The following PTPRD variants were observed in gnomAD, a reference collection of about 807,000 sequenced individuals.
The protein encoded by PTPRD is receptor-type tyrosine-protein phosphatase delta.
Under a neutral mutation model 214.5 loss-of-function variants are expected in PTPRD, and 34 were observed. That is an observed-to-expected ratio of 0.16 (90% CI 0.12 to 0.21). The LOEUF (loss-of-function observed/expected upper bound fraction) is 0.21, where lower values mean the gene tolerates loss of function less well. Among genes scored for constraint, PTPRD ranks in the 10% least tolerant of loss-of-function variants. The probability of loss-of-function intolerance (pLI) is 1.00; values close to 1 mark genes in which losing one functional copy is unlikely to be tolerated. For missense variants in PTPRD, 2,545 were observed against 2,398.7 expected (o/e 1.06, Z -1.27); for synonymous variants, 1,128 against 845.7 (o/e 1.33, Z -5.79).
chr9:8,513,527 T>C (rs2097723255), intron 21 of PTPRD, among the ~76,000 whole-genome samples: 1 of 152,106 alleles, frequency 6.6e-6, no homozygotes, highest in Non-Finnish European at 1.5e-5. Context: ...GACATCAAAA[T>C]GTACATTTCT....
chr9:10,025,700 A>G (rs894415763), intron 4 of PTPRD, among the ~76,000 whole-genome samples: 1 of 152,190 alleles, frequency 6.6e-6, no homozygotes, highest in Non-Finnish European at 1.5e-5. Flanking sequence ...CTTTTAGAAA[A>G]TAAGAAATTG....
intron 9 of PTPRD, among the ~76,000 whole-genome samples, chr9:9,199,339 T>C (rs1017308217): frequency 1.3e-5 from 2 of 152,234 alleles, no homozygotes; most frequent in African/African-American, 4.8e-5. Flanking sequence ...ACTTCTGTTA[T>C]GTAAAATACC....
At chr9:9,973,205 G>A (rs1009965681) in intron 4 of PTPRD, among the ~76,000 whole-genome samples, 2 of 150,804 alleles carry the variant, frequency 1.3e-5, no homozygotes, top group Admixed American at 6.7e-5. Flanking sequence ...GCTCATGCCT[G>A]TAATCCCAGC....
At chr9:9,390,952 G>A (rs1324338249) in intron 9 of PTPRD, among the ~76,000 whole-genome samples, 3 of 152,136 alleles carry the variant, frequency 2.0e-5, no homozygotes, top group Admixed American at 2.0e-4. Flanking sequence ...CTAAGAAGAT[G>A]GTGTTGATTG....
chr9:9,955,768 C>T (rs548622370), intron 4 of PTPRD, among the ~76,000 whole-genome samples: 8 of 152,148 alleles, frequency 5.3e-5, no homozygotes, highest in South Asian at 2.1e-4. Context: ...CGTGATAGCC[C>T]GCCTCGGCCT....
chr9:9,592,227 T>G (rs2092805610), intron 7 of PTPRD, among the ~76,000 whole-genome samples: 1 of 152,068 alleles, frequency 6.6e-6, no homozygotes, highest in Non-Finnish European at 1.5e-5. Flanking sequence ...TTTATGGCCT[T>G]TTGCCTAAAT....
At chr9:10,528,484 T>C (rs1031895437) in intron 2 of PTPRD, among the ~76,000 whole-genome samples, 1 of 152,188 alleles carries the variant, frequency 6.6e-6, no homozygotes, top group East Asian at 1.9e-4. Context: ...TATTATAACA[T>C]CTTTTACCAC....
chr9:9,476,755 C>T (rs1002369034), intron 8 of PTPRD, among the ~76,000 whole-genome samples: 1 of 151,394 alleles, frequency 6.6e-6, no homozygotes, highest in Non-Finnish European at 1.5e-5. Flanking sequence ...TATTTTTTTG[C>T]GATGGATTTT....
At chr9:8,618,965 G>A (rs1458237777) in intron 14 of PTPRD, among the ~76,000 whole-genome samples, 1 of 128,764 alleles carries the variant, frequency 7.8e-6, no homozygotes, top group African/African-American at 2.9e-5. Context: ...TCACCATGTT[G>A]GTCAGGCTAG....
chr9:9,284,528 G>A (rs1237847086), intron 9 of PTPRD, among the ~76,000 whole-genome samples: 2 of 151,692 alleles, frequency 1.3e-5, no homozygotes, highest in African/African-American at 4.8e-5. Context: ...GCAAGGAAAT[G>A]TCTCAGGTCC....
At chr9:9,317,894 G>A (rs919625075) in intron 9 of PTPRD, among the ~76,000 whole-genome samples, 2 of 151,924 alleles carry the variant, frequency 1.3e-5, no homozygotes, top group Non-Finnish European at 1.5e-5. Context: ...TTTTCCAGCC[G>A]GGTGCGGTGG....
At chr9:10,466,307 AT>A (rs1347774891) in intron 2 of PTPRD, among the ~76,000 whole-genome samples, 3 of 152,216 alleles carry the variant, frequency 2.0e-5, no homozygotes, top group African/African-American at 4.8e-5. Flanking sequence ...TTCTCTCTCA[AT>A]TATTTGAAGA....
At chr9:9,091,031 T>C in intron 10 of PTPRD, 1 of 1,559,838 alleles carries the variant, frequency 6.4e-7, no homozygotes, top group South Asian at 1.1e-5. Context: ...CGAAACATAG[T>C]GGAGGCCGCA....
chr9:9,448,422 T>A (rs534326376), intron 8 of PTPRD, among the ~76,000 whole-genome samples: 67 of 151,962 alleles, frequency 4.4e-4, no homozygotes, highest in Non-Finnish European at 8.5e-4. Flanking sequence ...GTTTCCTAAG[T>A]GTTTGCAAGT....
intron 8 of PTPRD, among the ~76,000 whole-genome samples, chr9:9,458,267 T>C (rs1412871): frequency 0.49 from 74,441 of 151,794 alleles, 18,590 homozygotes; most frequent in East Asian, 0.67. Context: ...ATGGAAAATA[T>C]ATTTCACTTC....
At chr9:8,812,135 G>A (rs1355079645) in intron 11 of PTPRD, among the ~76,000 whole-genome samples, 1 of 152,128 alleles carries the variant, frequency 6.6e-6, no homozygotes, top group African/African-American at 2.4e-5. Flanking sequence ...ACTCATTAGG[G>A]AAAGCTAAAT....
chr9:8,367,467 C>T (rs139168316), intron 39 of PTPRD, among the ~76,000 whole-genome samples: 167 of 152,170 alleles, frequency 1.1e-3, no homozygotes, highest in African/African-American at 3.6e-3. Flanking sequence ...ATGTATAGGA[C>T]GGCTCTCATA....
intron 7 of PTPRD, among the ~76,000 whole-genome samples, chr9:9,626,779 C>T (rs1035722474): frequency 3.3e-5 from 5 of 152,080 alleles, no homozygotes; most frequent in East Asian, 1.9e-4. Context: ...TGAAATGGCT[C>T]GCCCCAAATT....
intron 3 of PTPRD, among the ~76,000 whole-genome samples, chr9:10,147,342 C>T (rs2099030390): frequency 6.6e-6 from 1 of 151,974 alleles, no homozygotes. Flanking sequence ...TATACATGTG[C>T]CATGCTGGTA....
Sources: allele counts gnomAD v4.1 joint callset (sites outside exome capture counted in the v4.1 genomes callset), GRCh38; gene constraint gnomAD v4.1.1; transcripts MANE v1.5; gene names NCBI Gene and HGNC (gene_info 2026-07-23, HGNC 2026-07-21).